The following F8 variants were observed in gnomAD, a reference collection of about 807,000 sequenced individuals.
F8 encodes the protein coagulation factor VIII.
Under a neutral mutation model 140.6 loss-of-function variants are expected in F8, and 12 were observed. The observed-to-expected ratio is 0.09, with a 90% CI of 0.05 to 0.14. F8 has a LOEUF of 0.14. Among genes scored for constraint, F8 ranks in the 10% least tolerant of loss-of-function variants. The probability of loss-of-function intolerance (pLI) is 1.00; values close to 1 mark genes in which losing one functional copy is unlikely to be tolerated. For missense variants in F8, 1,354 were observed against 1,720.7 expected (o/e 0.79, Z 3.77); for synonymous variants, 585 against 614.6 (o/e 0.95, Z 0.71).
intron 13 of F8, among the ~76,000 whole-genome samples, chrX:154,947,224 G>GAAAAA (rs781928603): frequency 4.5e-4 from 8 of 17,831 alleles, no homozygotes; most frequent in East Asian, 1.7e-3. Flanking sequence ...GACTCCGTCT[G>GAAAAA]AAAAAAAAAA....
chrX:154,971,435 A>G (rs782572315), intron 6 of F8, among the ~76,000 whole-genome samples: 1 of 111,629 alleles, frequency 9.0e-6, no homozygotes, highest in Non-Finnish European at 1.9e-5. Flanking sequence ...CTACAAATTT[A>G]TGGGTACAAT....
intron 25 of F8, among the ~76,000 whole-genome samples, chrX:154,847,480 T>C (rs1241010593): frequency 1.8e-5 from 2 of 112,109 alleles, no homozygotes; most frequent in Non-Finnish European, 3.8e-5. Flanking sequence ...GCTTTGTTCA[T>C]TTCTTTTTAT....
At chrX:155,015,132 A>AT (rs1170396567) in intron 1 of F8, among the ~76,000 whole-genome samples, 3 of 112,157 alleles carry the variant, frequency 2.7e-5, no homozygotes, top group African/African-American at 9.7e-5. Flanking sequence ...CAGTCATTTA[A>AT]TTTTCTACAA....
intron 22 of F8, among the ~76,000 whole-genome samples, chrX:154,888,408 C>CTTTTTTTTTTTTTTTTTTT (rs1557274896): frequency 2.6e-4 from 14 of 53,358 alleles, no homozygotes; most frequent in Admixed American, 5.1e-4. Context: ...TTTTTTTTTC[C>CTTTTTTTTTTTTTTTTTTT]CCCCGAGATG....
intron 6 of F8, among the ~76,000 whole-genome samples, chrX:154,981,760 T>C (rs1027587486): frequency 1.8e-5 from 2 of 112,081 alleles, no homozygotes; most frequent in Non-Finnish European, 3.8e-5. Flanking sequence ...TCCACTTATA[T>C]GCAGTTTTTT....
intron 5 of F8, among the ~76,000 whole-genome samples, chrX:154,985,279 T>C (rs1200003237): frequency 9.1e-6 from 1 of 110,000 alleles, no homozygotes; most frequent in Non-Finnish European, 1.9e-5. Context: ...CCACTAAAAA[T>C]ACACAAATTA....
intron 1 of F8, among the ~76,000 whole-genome samples, chrX:155,019,930 TAAG>T (rs1265128217): frequency 8.9e-6 from 1 of 112,113 alleles, no homozygotes; most frequent in Non-Finnish European, 1.9e-5. Flanking sequence ...ATAAATGTAA[TAAG>T]AAAAATATTT....
intron 13 of F8, among the ~76,000 whole-genome samples, chrX:154,945,020 G>T (rs2073295194): frequency 9.1e-6 from 1 of 110,222 alleles, no homozygotes; most frequent in Non-Finnish European, 1.9e-5. Context: ...GGACTGTTGT[G>T]GGGTGGGGGA....
intron 6 of F8, among the ~76,000 whole-genome samples, chrX:154,981,519 G>A (rs1411532260): frequency 1.8e-5 from 2 of 109,451 alleles, no homozygotes; most frequent in Non-Finnish European, 3.8e-5. Context: ...TCTTATAAAC[G>A]CCAGATGGAA....
chrX:154,994,908 C>A (rs1172437902), intron 3 of F8, among the ~76,000 whole-genome samples: 5 of 112,177 alleles, frequency 4.5e-5, no homozygotes, highest in Non-Finnish European at 9.4e-5. Context: ...GACAGGATAT[C>A]ATTTCATTTA....
At chrX:154,998,562 C>T (rs1183362704) in intron 2 of F8, among the ~76,000 whole-genome samples, 3 of 112,507 alleles carry the variant, frequency 2.7e-5, no homozygotes, top group Non-Finnish European at 5.6e-5. Context: ...AAGGAGACAC[C>T]CCACTGCTCC....
intron 10 of F8, among the ~76,000 whole-genome samples, chrX:154,959,489 T>C (rs2124097493): frequency 8.9e-6 from 1 of 112,636 alleles, no homozygotes; most frequent in African/African-American, 3.2e-5. Flanking sequence ...CTTTTCCGAA[T>C]AAAAGAAAAC....
intron 1 of F8, among the ~76,000 whole-genome samples, chrX:155,005,450 G>A (rs1051046431): frequency 3.6e-5 from 4 of 109,889 alleles, no homozygotes; most frequent in African/African-American, 1.3e-4. Context: ...AGAGGGTGGT[G>A]GGGGGAGGGA....
intron 5 of F8, among the ~76,000 whole-genome samples, chrX:154,985,749 G>A (rs1410950841): frequency 8.9e-6 from 1 of 112,325 alleles, no homozygotes; most frequent in Non-Finnish European, 1.9e-5. Context: ...TGATGATAGA[G>A]AGGAAGATAC....
intron 9 of F8, among the ~76,000 whole-genome samples, chrX:154,963,766 A>G (rs1456210419): frequency 8.9e-6 from 1 of 111,945 alleles, no homozygotes; most frequent in Non-Finnish European, 1.9e-5. Context: ...CATGGTATCC[A>G]GAGTATAACC....
intron 1 of F8, among the ~76,000 whole-genome samples, chrX:155,021,181 C>T (rs2073758521): frequency 9.0e-6 from 1 of 111,339 alleles, no homozygotes; most frequent in Non-Finnish European, 1.9e-5. Flanking sequence ...TGTATAATGT[C>T]CCAATTTTAT....
chrX:154,931,751 C>A, intron 13 of F8, 75 bp from the exon 14 acceptor site: 1 of 898,855 alleles, frequency 1.1e-6, no homozygotes, highest in African/African-American at 1.9e-5. Flanking sequence ...GGTTCTCTCC[C>A]ATTCCCAGAT....
chrX:154,870,872 C>T (rs782225845), intron 22 of F8, among the ~76,000 whole-genome samples: 1 of 111,895 alleles, frequency 8.9e-6, no homozygotes, highest in East Asian at 2.8e-4. Context: ...AATCAATGTA[C>T]AAAAATCACA....
chrX:154,906,357 T>C (rs2073038077), intron 15 of F8, 63 bp downstream of exon 15: 6 of 1,079,489 alleles, frequency 5.6e-6, no homozygotes, highest in South Asian at 2.1e-5. Context: ...GAATACATTA[T>C]AGTCAGCAAG....
Sources: allele counts gnomAD v4.1 joint callset (sites outside exome capture counted in the v4.1 genomes callset), GRCh38; gene constraint gnomAD v4.1.1; transcripts MANE v1.5; gene names NCBI Gene and HGNC (gene_info 2026-07-23, HGNC 2026-07-21).